NRG1: variants seen among roughly 807,000 people sequenced by gnomAD.
NRG1 encodes the protein pro-neuregulin-1, membrane-bound isoform.
In NRG1, 18 loss-of-function variants were observed where a neutral mutation model predicts 63.8. That is an observed-to-expected ratio of 0.28 (90% CI 0.19 to 0.42). The LOEUF (loss-of-function observed/expected upper bound fraction) is 0.42. Among genes scored for constraint, NRG1 ranks in the 10% least tolerant of loss-of-function variants. NRG1 has a pLI of 1.00. For synonymous variants in NRG1, 302 were observed against 301.3 expected (o/e 1.00, Z -0.02); for missense variants, 762 against 814.7 (o/e 0.94, Z 0.79).
At chr8:32,138,722 G>A (rs1226966001) in intron 1 of NRG1, among the ~76,000 whole-genome samples, 2 of 151,926 alleles carry the variant, frequency 1.3e-5, no homozygotes, top group African/African-American at 2.4e-5. Flanking sequence ...ACCACCAAGC[G>A]CAGCTAACTT....
chr8:32,669,748 A>C (rs920873694), intron 5 of NRG1, among the ~76,000 whole-genome samples: 2 of 152,200 alleles, frequency 1.3e-5, no homozygotes, highest in African/African-American at 4.8e-5. Context: ...CAAAATTGAT[A>C]GTTTTGCCTG....
intron 1 of NRG1, among the ~76,000 whole-genome samples, chr8:32,054,228 A>G (rs1822470175): frequency 6.6e-6 from 1 of 152,114 alleles, no homozygotes; most frequent in African/African-American, 2.4e-5. Flanking sequence ...TCACGGCATA[A>G]CTCTGTGTCT....
At chr8:31,655,489 G>A (rs144303688) in intron 1 of NRG1, among the ~76,000 whole-genome samples, 229 of 152,252 alleles carry the variant, frequency 1.5e-3, no homozygotes, top group African/African-American at 5.2e-3. Flanking sequence ...TTCCAACCTT[G>A]GGGCAGAGAA....
intron 1 of NRG1, among the ~76,000 whole-genome samples, chr8:32,593,116 G>A (rs962153139): frequency 5.3e-5 from 8 of 152,012 alleles, no homozygotes; most frequent in Admixed American, 2.0e-4. Context: ...AGGAAGAGGC[G>A]GGCATTGGTC....
chr8:32,760,528 C>G, intron 11 of NRG1, 122 bp downstream of exon 11: 2 of 1,499,970 alleles, frequency 1.3e-6, no homozygotes, highest in Non-Finnish European at 1.8e-6. Context: ...GTTACCTGTT[C>G]TAGGAGTGCT....
chr8:31,667,610 A>G lies in NRG1; in HGVS notation c.37+28179A>G, dbSNP rs77310203. Among the ~76,000 whole-genome samples, 897 of 152,298 alleles carry G rather than the reference A, an allele frequency of 5.9e-3. 12 individuals carry two copies. The highest frequency in any genetic ancestry group is 0.021 in the African/African-American group (867 of 41,556). On this transcript the variant is annotated intron_variant, in intron 1 of 10. Transcript: ENST00000519301. The stretch of plus-strand genomic sequence containing the variant: ...CTTAGCATGGCTGGAGGGTCCAGTG[A>G]AAGCACAGAGAAGGTAAGAGGTGAG...
At chr8:31,947,097 G>A (rs1231762534) in intron 1 of NRG1, among the ~76,000 whole-genome samples, 9 of 151,524 alleles carry the variant, frequency 5.9e-5, no homozygotes, top group South Asian at 2.1e-4. Context: ...TCAGGAGATC[G>A]AGACCATCCT....
Position 31,654,379 on chromosome 8 carries a change from T to C in NRG1, c.37+14948T>C, listed in dbSNP as rs189293162. ...TGTAACAGGAGTAGTCTTTTGTGCA[T>C]CTGTATCATGTATGTTATTGTTATG... On this transcript the variant is annotated intron_variant, in intron 1 of 10. Coordinates refer to the NRG1 transcript ENST00000519301. Among the ~76,000 whole-genome samples, 13 of 152,352 alleles carry C rather than the reference T, an allele frequency of 8.5e-5. No individual in the cohort carries two copies. The East Asian group carries it at 2.5e-3, about 29-fold the overall frequency.
chr8:31,891,651 G>A (rs545887610), intron 1 of NRG1, among the ~76,000 whole-genome samples: 1 of 152,272 alleles, frequency 6.6e-6, no homozygotes, highest in African/African-American at 2.4e-5. Context: ...TCATAGAGAA[G>A]TGAAAACTTG....
At chr8:32,710,534 A>G (rs1262862847) in intron 5 of NRG1, among the ~76,000 whole-genome samples, 1 of 152,150 alleles carries the variant, frequency 6.6e-6, no homozygotes, top group African/African-American at 2.4e-5. Flanking sequence ...ATTTTTATGT[A>G]TATGCATTTC....
chr8:32,287,750 C>T (rs1442686688), intron 1 of NRG1, among the ~76,000 whole-genome samples: 3 of 152,138 alleles, frequency 2.0e-5, no homozygotes, highest in East Asian at 1.9e-4. Context: ...TACAATCCAC[C>T]GTACTACCAC....
chr8:31,881,072 A>T (rs1222876355), intron 1 of NRG1, among the ~76,000 whole-genome samples: 2 of 152,144 alleles, frequency 1.3e-5, no homozygotes, highest in Non-Finnish European at 2.9e-5. Context: ...TTTATTCAAC[A>T]TTTTTAAGTT....
chr8:32,373,704 G>A (rs1476180561), intron 1 of NRG1, among the ~76,000 whole-genome samples: 8 of 152,102 alleles, frequency 5.3e-5, no homozygotes, highest in African/African-American at 1.9e-4. Context: ...CTTGATCCTG[G>A]GAGGTTGAGG....
At chr8:32,694,494 G>A (rs778772387) in intron 5 of NRG1, among the ~76,000 whole-genome samples, 9 of 152,026 alleles carry the variant, frequency 5.9e-5, no homozygotes, top group African/African-American at 1.9e-4. Flanking sequence ...CATGGTGCTC[G>A]ATCAGTTCCT....
intron 1 of NRG1, among the ~76,000 whole-genome samples, chr8:31,835,009 G>A (rs555725886): frequency 6.6e-6 from 1 of 152,154 alleles, no homozygotes; most frequent in Non-Finnish European, 1.5e-5. Context: ...TGAAGTTAAT[G>A]CATATTAATG....
intron 1 of NRG1, among the ~76,000 whole-genome samples, chr8:31,848,265 T>C (rs759090257): frequency 7.9e-5 from 12 of 152,174 alleles, no homozygotes; most frequent in Non-Finnish European, 1.3e-4. Context: ...CGAAATTATA[T>C]AACTAGATGA....
intron 5 of NRG1, among the ~76,000 whole-genome samples, chr8:32,722,260 A>G (rs570746417): frequency 9.8e-5 from 15 of 152,326 alleles, no homozygotes; most frequent in Non-Finnish European, 1.5e-4. Flanking sequence ...TATACACTGT[A>G]TACTCATGCT....
At chr8:31,760,026 T>C (rs1427156209) in intron 1 of NRG1, among the ~76,000 whole-genome samples, 1 of 152,186 alleles carries the variant, frequency 6.6e-6, no homozygotes, top group Non-Finnish European at 1.5e-5. Flanking sequence ...TAGTAGCAGT[T>C]ACTTCCTCCT....
intron 1 of NRG1, among the ~76,000 whole-genome samples, chr8:31,832,822 C>T (rs1825298865): frequency 6.6e-6 from 1 of 152,110 alleles, no homozygotes; most frequent in Non-Finnish European, 1.5e-5. Flanking sequence ...AAATTGCAAA[C>T]AGTCCAAATT....
Sources: allele counts gnomAD v4.1 joint callset (sites outside exome capture counted in the v4.1 genomes callset), GRCh38; gene constraint gnomAD v4.1.1; transcripts MANE v1.5; gene names NCBI Gene and HGNC (gene_info 2026-07-23, HGNC 2026-07-21).